Variants in PDS5B observed in about 807,000 individuals in gnomAD.
The protein encoded by PDS5B is PDS5 cohesin associated factor B.
Under a neutral mutation model 184.1 loss-of-function variants are expected in PDS5B, and 51 were observed. The ratio of observed to expected loss-of-function variants is 0.28; its 90% confidence interval spans 0.22 to 0.35. The LOEUF (loss-of-function observed/expected upper bound fraction) is 0.35, where lower values mean the gene tolerates loss of function less well. Among genes scored for constraint, PDS5B ranks in the 10% least tolerant of loss-of-function variants. The probability of loss-of-function intolerance (pLI) is 1.00; values close to 1 mark genes in which losing one functional copy is unlikely to be tolerated. For synonymous variants in PDS5B, 566 were observed against 569.2 expected (o/e 0.99, Z 0.08); for missense variants, 1,180 against 1,723.3 (o/e 0.68, Z 5.58).
intron 28 of PDS5B, 22 bp downstream of exon 28, chr13:32,758,675 T>C (rs1954271617): frequency 1.2e-6 from 2 of 1,611,008 alleles, no homozygotes; most frequent in East Asian, 4.5e-5. Context: ...ACAATTTGTT[T>C]GTGTAAGTTG....
intron 7 of PDS5B, among the ~76,000 whole-genome samples, chr13:32,672,652 C>T (rs190060030): frequency 1.4e-4 from 22 of 152,254 alleles, no homozygotes; most frequent in African/African-American, 5.1e-4. Context: ...GGCAGGAAAA[C>T]CTGGAGTTCT....
intron 31 of PDS5B, among the ~76,000 whole-genome samples, chr13:32,765,721 A>G (rs1230601291): frequency 6.6e-6 from 1 of 151,700 alleles, no homozygotes; most frequent in Non-Finnish European, 1.5e-5. Flanking sequence ...CTCTTGCATC[A>G]CCCTCCTGGG....
intron 1 of PDS5B, among the ~76,000 whole-genome samples, chr13:32,601,838 T>C (rs1035091982): frequency 1.3e-5 from 2 of 152,242 alleles, no homozygotes; most frequent in African/African-American, 4.8e-5. Flanking sequence ...CTACATTGAA[T>C]TGGTTTTAGA....
At chr13:32,711,538 AATAGAG>A (rs1024100247) in intron 19 of PDS5B, among the ~76,000 whole-genome samples, 2 of 151,922 alleles carry the variant, frequency 1.3e-5, no homozygotes, top group African/African-American at 2.4e-5. Flanking sequence ...TTGTATTTTT[AATAGAG>A]ACAGGGCTTC....
intron 21 of PDS5B, among the ~76,000 whole-genome samples, chr13:32,737,069 T>A (rs888925453): frequency 6.6e-6 from 1 of 152,234 alleles, no homozygotes; most frequent in Non-Finnish European, 1.5e-5. Context: ...TGATCTCTTG[T>A]AACTTTTGTC....
At chr13:32,693,446 T>C (rs926461330) in intron 13 of PDS5B, among the ~76,000 whole-genome samples, 12 of 151,872 alleles carry the variant, frequency 7.9e-5, no homozygotes, top group Non-Finnish European at 1.3e-4. Flanking sequence ...CGATGTTCTT[T>C]GTCTATTAAA....
At chr13:32,742,288 C>T (rs1231310781) in intron 22 of PDS5B, among the ~76,000 whole-genome samples, 1 of 152,086 alleles carries the variant, frequency 6.6e-6, no homozygotes, top group African/African-American at 2.4e-5. Flanking sequence ...GGGAACTTAA[C>T]TTTTCTGATT....
At chr13:32,589,555 C>G (rs1440384906) in intron 1 of PDS5B, among the ~76,000 whole-genome samples, 1 of 152,136 alleles carries the variant, frequency 6.6e-6, no homozygotes, top group East Asian at 1.9e-4. Context: ...CTTTGTGAAA[C>G]TTCTAAGAGT....
intron 1 of PDS5B, among the ~76,000 whole-genome samples, chr13:32,593,800 AAAGG>A (rs1350767967): frequency 6.6e-6 from 1 of 152,200 alleles, no homozygotes; most frequent in Non-Finnish European, 1.5e-5. Context: ...AGAAGGAGGA[AAAGG>A]AAGGATTAGT....
rs533330317 is a variant in PDS5B at position 32,622,816 on chromosome 13, G to A, written c.-19-25938G>A. 2.5e-4 allele frequency among the ~76,000 whole-genome samples: 38 copies of A among 152,298 alleles called. No individual in the cohort carries two copies. The South Asian group carries it at 7.7e-3, about 31-fold the overall frequency. ...TTTTTAAAAATTTGTTTGGTCTGAT[G>A]AGAATGTAGGTGCCTGTTACAACCC... is the stretch of plus-strand genomic sequence containing the variant. On this transcript the variant is annotated intron_variant, in intron 1 of 34. Coordinates refer to ENST00000315596, the MANE Select transcript of PDS5B (RefSeq NM_015032.4).
intron 1 of PDS5B, among the ~76,000 whole-genome samples, chr13:32,642,581 A>G (rs1168848510): frequency 1.3e-5 from 2 of 152,170 alleles, no homozygotes; most frequent in Non-Finnish European, 2.9e-5. Context: ...GTATATTCAC[A>G]GAGGTGTTTC....
At chr13:32,615,200 T>C (rs531860013) in intron 1 of PDS5B, among the ~76,000 whole-genome samples, 1 of 152,346 alleles carries the variant, frequency 6.6e-6, no homozygotes, top group South Asian at 2.1e-4. Context: ...ATATATAGTT[T>C]GTTGTATCTG....
chr13:32,622,316 ATTAT>A (rs1488117277), intron 1 of PDS5B, among the ~76,000 whole-genome samples: 1 of 152,002 alleles, frequency 6.6e-6, no homozygotes. Context: ...TTCAATTATA[ATTAT>A]TTGAGTGTTT....
chr13:32,609,346 A>G (rs2058106498), intron 1 of PDS5B, among the ~76,000 whole-genome samples: 1 of 152,008 alleles, frequency 6.6e-6, no homozygotes. Flanking sequence ...TTATATACAG[A>G]GATTTTTTTT....
Position 32,659,162 on chromosome 13 carries a change from A to G in PDS5B, c.506A>G (p.His169Arg). 1 of 1,553,048 alleles carries G rather than the reference A, an allele frequency of 6.4e-7. No homozygotes were observed. ...TCTGTTTTGAATTGCAGCAATGGCC[A>G]CAATCAGAAAGTCCATATGCACATG... ...RTLFSVINNGHNQKVHMHMVD... is the reference protein window; with the variant it reads ...RTLFSVINNGRNQKVHMHMVD... The change falls in exon 6 of 35, where the codon CAC becomes CGC. Residue 169 changes from histidine (H) to arginine (R), a missense_variant. Physicochemically the swap from His to Arg is conservative, Grantham distance 29. Around this residue, in one of 11 missense-constraint regions of PDS5B, gnomAD observed 79 missense variants for 124.6 expected, o/e 0.63. Coordinates refer to ENST00000315596, the MANE Select transcript of PDS5B (RefSeq NM_015032.4).
chr13:32,724,922 C>G (rs2140935319), intron 19 of PDS5B, among the ~76,000 whole-genome samples: 1 of 152,240 alleles, frequency 6.6e-6, no homozygotes, highest in South Asian at 2.1e-4. Context: ...AATCCAGAGA[C>G]CTCATTGGAT....
chr13:32,722,545 T>C (rs773130378), intron 19 of PDS5B, among the ~76,000 whole-genome samples: 3 of 152,198 alleles, frequency 2.0e-5, no homozygotes, highest in Non-Finnish European at 4.4e-5. Flanking sequence ...GAGTAGGCTA[T>C]ACCATCTAGG....
intron 31 of PDS5B, among the ~76,000 whole-genome samples, chr13:32,765,105 A>G (rs765406831): frequency 2.7e-4 from 41 of 151,912 alleles, no homozygotes; most frequent in Non-Finnish European, 4.4e-5. Flanking sequence ...AACTTGTATG[A>G]TAGACAGTTT....
intron 1 of PDS5B, among the ~76,000 whole-genome samples, chr13:32,609,650 A>G (rs776721836): frequency 3.9e-5 from 6 of 152,202 alleles, no homozygotes; most frequent in Non-Finnish European, 7.4e-5. Context: ...GAACTCCTAC[A>G]TTCCAGACAT....
Sources: allele counts gnomAD v4.1 joint callset (sites outside exome capture counted in the v4.1 genomes callset), GRCh38; gene constraint gnomAD v4.1.1; regional missense constraint gnomAD v4.1.1; transcripts MANE v1.5; gene names NCBI Gene and HGNC (gene_info 2026-07-23, HGNC 2026-07-21).